Variants in CPS1 observed in about 807,000 individuals in gnomAD.
CPS1 encodes the protein carbamoyl-phosphate synthase 1.
CPS1 carries 109 observed loss-of-function variants against 174.6 expected under a neutral mutation model. The observed-to-expected ratio is 0.62, with a 90% CI of 0.53 to 0.73. The LOEUF (loss-of-function observed/expected upper bound fraction) is 0.73. Among genes scored for constraint, CPS1 ranks in the 30% least tolerant of loss-of-function variants. The pLI is 0.00. For missense variants in CPS1, 1,689 were observed against 1,821.9 expected (o/e 0.93, Z 1.33); for synonymous variants, 637 against 632.0 (o/e 1.01, Z -0.12).
chr2:210,486,126 AC>A (rs1402532785), intron 1 of CPS1, among the ~76,000 whole-genome samples: 12 of 93,860 alleles, frequency 1.3e-4, no homozygotes, highest in Non-Finnish European at 2.1e-4. Flanking sequence ...ACACACACAC[AC>A]ACACACACAC....
intron 33 of CPS1, among the ~76,000 whole-genome samples, chr2:210,664,111 A>G (rs1285392630): frequency 6.6e-6 from 1 of 152,148 alleles, no homozygotes; most frequent in East Asian, 1.9e-4. Flanking sequence ...GGACTCTTAG[A>G]AAGGGGACTC....
chr2:210,566,798 G>A (rs1164718953), intron 1 of CPS1, among the ~76,000 whole-genome samples: 1 of 151,578 alleles, frequency 6.6e-6, no homozygotes, highest in Non-Finnish European at 1.5e-5. Context: ...CCCACTAATG[G>A]CTTTAAAGAT....
rs116108219 is a variant in CPS1 at position 210,584,793 on chromosome 2, C to T, written c.621+2084C>T. On this transcript the variant is annotated intron_variant, in intron 6 of 37. Coordinates refer to ENST00000233072, the MANE Select transcript of CPS1 (RefSeq NM_001875.5). ...TCTTTCCATTTTGATGGGAGTTTGA[C>T]GGAAAAGCTTTAAAAAGCTCAATTT... Among the ~76,000 whole-genome samples, 289 of 152,010 alleles carry T rather than the reference C, an allele frequency of 1.9e-3. 2 individuals carry two copies. Among genetic ancestry groups the T allele is most frequent in the Non-Finnish European group, 2.6e-3 (180 of 67,958 alleles).
intron 1 of CPS1, among the ~76,000 whole-genome samples, chr2:210,563,245 A>G (rs1227711504): frequency 1.3e-5 from 2 of 152,142 alleles, no homozygotes; most frequent in East Asian, 1.9e-4. Flanking sequence ...GCTCATTTAC[A>G]TACTGAATGT....
At position 210,679,072 on chromosome 2, in the gene CPS1, T is replaced by C. The variant is rs760593059; in HGVS notation, c.*1087T>C. On this transcript the variant is annotated 3_prime_UTR_variant, in exon 38 of 38. Coordinates refer to ENST00000233072, the MANE Select transcript of CPS1 (RefSeq NM_001875.5). The stretch of plus-strand genomic sequence containing the variant: ...TTTTCTGTTATTACAAGTGCTCTAA[T>C]TGTGAACTTTTAAATAAAATACTAT... The C allele has an allele frequency of 1.1e-4, 17 of 152,226 alleles. No individual in the cohort carries two copies. Among genetic ancestry groups the C allele is most frequent in the Non-Finnish European group, 2.2e-4 (15 of 68,038 alleles). The allele number at this position is 152,226 out of a possible 1,614,324, so 9.4% of individuals were successfully genotyped here. A position where few individuals can be genotyped will look rare whatever the true frequency, so the allele number is the denominator to read the frequency against.
chr2:210,629,558 G>A (rs895686999), intron 21 of CPS1, among the ~76,000 whole-genome samples: 19 of 151,226 alleles, frequency 1.3e-4, no homozygotes, highest in Middle Eastern at 6.8e-3. Flanking sequence ...CTCGTGATCC[G>A]CCCGCCTCGG....
At chr2:210,611,101 C>T (rs1699103409) in intron 19 of CPS1, among the ~76,000 whole-genome samples, 2 of 151,894 alleles carry the variant, frequency 1.3e-5, no homozygotes, top group Non-Finnish European at 2.9e-5. Context: ...CTATGACTTG[C>T]AAATTGCATA....
chr2:210,534,811 C>T (rs1696204451), intron 1 of CPS1, among the ~76,000 whole-genome samples: 1 of 152,304 alleles, frequency 6.6e-6, no homozygotes, highest in East Asian at 1.9e-4. Context: ...TTCCTGGTCC[C>T]TTCTTTGATT....
At chr2:210,522,204 A>G (rs1306935870) in intron 1 of CPS1, among the ~76,000 whole-genome samples, 1 of 151,934 alleles carries the variant, frequency 6.6e-6, no homozygotes, top group African/African-American at 2.4e-5. Context: ...TTCTTGATAT[A>G]TTCTGGATAC....
At chr2:210,629,621 C>T (rs932006247) in intron 21 of CPS1, among the ~76,000 whole-genome samples, 6 of 151,826 alleles carry the variant, frequency 4.0e-5, no homozygotes, top group African/African-American at 1.5e-4. Flanking sequence ...AGCCAGAACA[C>T]TTTCTTATAT....
chr2:210,498,738 TA>T (rs1337965370), intron 1 of CPS1, among the ~76,000 whole-genome samples: 1 of 152,200 alleles, frequency 6.6e-6, no homozygotes, highest in African/African-American at 2.4e-5. Context: ...GAAGGCAGCC[TA>T]AATTCTTATT....
chr2:210,656,133 C>T (rs556096940), intron 29 of CPS1, among the ~76,000 whole-genome samples: 2 of 152,246 alleles, frequency 1.3e-5, no homozygotes, highest in South Asian at 4.2e-4. Context: ...TACCATTTAC[C>T]TAGATAGATA....
chr2:210,488,750 A>C (rs1015242402), intron 1 of CPS1, among the ~76,000 whole-genome samples: 1 of 152,210 alleles, frequency 6.6e-6, no homozygotes, highest in Admixed American at 6.5e-5. Context: ...TTGTGGGTTA[A>C]AAAACTATGT....
chr2:210,599,913 T>C (rs1574573996), intron 14 of CPS1, among the ~76,000 whole-genome samples: 1 of 152,086 alleles, frequency 6.6e-6, no homozygotes, highest in Non-Finnish European at 1.5e-5. Context: ...TTAAGTGCTC[T>C]TAGGTATCAG....
upstream of CPS1, among the ~76,000 whole-genome samples, chr2:210,551,675 G>A (rs368250021): frequency 6.6e-6 from 1 of 151,546 alleles, no homozygotes; most frequent in Non-Finnish European, 1.5e-5. Context: ...ACCTTCTTTT[G>A]TATCACTCCA....
chr2:210,571,283 TA>T (rs1344225073), intron 1 of CPS1, among the ~76,000 whole-genome samples: 4 of 151,958 alleles, frequency 2.6e-5, no homozygotes, highest in Admixed American at 2.6e-4. Context: ...GATAAATCTT[TA>T]ACTCAAAGAT....
intron 15 of CPS1, among the ~76,000 whole-genome samples, chr2:210,601,804 G>A (rs978593904): frequency 2.6e-5 from 4 of 151,848 alleles, no homozygotes; most frequent in African/African-American, 9.7e-5. Flanking sequence ...CATCAAGCTA[G>A]CTTCAGCAGC....
intron 1 of CPS1, among the ~76,000 whole-genome samples, chr2:210,489,991 C>G (rs1348362279): frequency 2.3e-5 from 1 of 43,880 alleles, no homozygotes; most frequent in East Asian, 6.1e-4. Context: ...GAGCGAGACT[C>G]TGTCTCAAAA....
intron 1 of CPS1, among the ~76,000 whole-genome samples, chr2:210,530,696 A>G (rs1158144563): frequency 1.3e-5 from 2 of 152,030 alleles, no homozygotes; most frequent in Non-Finnish European, 2.9e-5. Flanking sequence ...AGTTTAAGAA[A>G]CTTACTGCAG....
Sources: gnomAD v4.1 joint callset for allele counts (sites outside exome capture counted in the v4.1 genomes callset) on GRCh38, gnomAD v4.1.1 for gene constraint, MANE v1.5 for transcripts, NCBI Gene and HGNC (gene_info 2026-07-23, HGNC 2026-07-21) for gene names.